Variants in DCAF8L2 observed in about 807,000 individuals in gnomAD.
DCAF8L2 encodes the protein DDB1- and CUL4-associated factor 8-like protein 2.
For missense variants in DCAF8L2, 430 were observed against 490.7 expected (o/e 0.88, Z 1.17); for synonymous variants, 200 against 190.9 (o/e 1.05, Z -0.39).
At chrX:27,655,298 G>A (rs1003524770) in intron 2 of DCAF8L2, among the ~76,000 whole-genome samples, 35 of 112,092 alleles carry the variant, frequency 3.1e-4, no homozygotes, top group African/African-American at 1.1e-3. Flanking sequence ...CTTTGGGCTG[G>A]AATAAGACAA....
chrX:27,559,586 G>T, the DCAF8L2 span, among the ~76,000 whole-genome samples: 1 of 111,769 alleles, frequency 8.9e-6, no homozygotes, highest in Non-Finnish European at 1.9e-5. Flanking sequence ...TGATCTGTGG[G>T]TGTCCATGCT....
intron 2 of DCAF8L2, among the ~76,000 whole-genome samples, chrX:27,676,174 G>T (rs907687109): frequency 9.0e-6 from 1 of 111,172 alleles, no homozygotes; most frequent in Non-Finnish European, 1.9e-5. Context: ...TGAGTACTCT[G>T]TATCTCTTTG....
intron 3 of DCAF8L2, among the ~76,000 whole-genome samples, chrX:27,678,857 T>C (rs1291702162): frequency 8.9e-6 from 1 of 111,945 alleles, no homozygotes; most frequent in Non-Finnish European, 1.9e-5. Flanking sequence ...TATTTTTCCA[T>C]AATGAAAAAT....
chrX:27,518,949 T>C, the DCAF8L2 span: 18 of 588,685 alleles, frequency 3.1e-5, no homozygotes, highest in Admixed American at 2.8e-4. Flanking sequence ...AAAAGGCACC[T>C]GATTTTGTTT....
chrX:27,722,979 A>G (rs183747406), intron 4 of DCAF8L2, among the ~76,000 whole-genome samples: 35 of 111,156 alleles, frequency 3.1e-4, no homozygotes, highest in Non-Finnish European at 2.8e-4. Flanking sequence ...ATCTGCACAA[A>G]CAAAATCCAT....
At chrX:27,685,951 A>G (rs1930490938) in intron 3 of DCAF8L2, among the ~76,000 whole-genome samples, 1 of 112,286 alleles carries the variant, frequency 8.9e-6, no homozygotes. Flanking sequence ...TTTCAAAAGA[A>G]GACATATAAA....
the DCAF8L2 span, among the ~76,000 whole-genome samples, chrX:27,478,519 T>A: frequency 1.5e-4 from 17 of 112,257 alleles, no homozygotes; most frequent in African/African-American, 5.2e-4. Flanking sequence ...CATAAGCTAA[T>A]GAGTTGTAAA....
At chrX:27,613,677 C>G (rs1489085536) in intron 1 of DCAF8L2, among the ~76,000 whole-genome samples, 14 of 111,336 alleles carry the variant, frequency 1.3e-4, no homozygotes, top group Non-Finnish European at 2.5e-4. Flanking sequence ...GTTGAATTTT[C>G]TCAAAGGCCT....
intron 4 of DCAF8L2, among the ~76,000 whole-genome samples, chrX:27,745,621 G>A (rs1922122029): frequency 8.9e-6 from 1 of 111,906 alleles, no homozygotes; most frequent in Non-Finnish European, 1.9e-5. Flanking sequence ...ATTTTCTTTA[G>A]AAGACTGTAT....
At chrX:27,712,615 C>T (rs1238720016) in intron 3 of DCAF8L2, 2 of 111,709 alleles carry the variant, frequency 1.8e-5, no homozygotes, top group East Asian at 2.8e-4. Context: ...GAGTTTTAGC[C>T]GCTTCCATGC....
At chrX:27,685,902 A>G (rs1930489120) in intron 3 of DCAF8L2, among the ~76,000 whole-genome samples, 1 of 111,940 alleles carries the variant, frequency 8.9e-6, no homozygotes, top group Non-Finnish European at 1.9e-5. Flanking sequence ...ATATCAAATA[A>G]TAGGATTTCA....
intron 1 of DCAF8L2, among the ~76,000 whole-genome samples, chrX:27,599,151 TGTG>T (rs1277318225): frequency 9.1e-6 from 1 of 109,783 alleles, no homozygotes; most frequent in Non-Finnish European, 1.9e-5. Flanking sequence ...TAAAAAAAAA[TGTG>T]GTATATATAC....
the DCAF8L2 span, among the ~76,000 whole-genome samples, chrX:27,533,166 GAA>G: frequency 0.18 from 1,892 of 10,763 alleles, 126 homozygotes; most frequent in African/African-American, 0.28. Flanking sequence ...GAGAGAGAGA[GAA>G]AGAAAGAAAG....
chrX:27,503,529 C>G, the DCAF8L2 span, among the ~76,000 whole-genome samples: 1 of 110,234 alleles, frequency 9.1e-6, no homozygotes, highest in African/African-American at 3.3e-5. Flanking sequence ...TGTCATACAC[C>G]ATTTGTTGAA....
the DCAF8L2 span, among the ~76,000 whole-genome samples, chrX:27,562,822 A>G: frequency 8.9e-6 from 1 of 112,243 alleles, no homozygotes; most frequent in African/African-American, 3.2e-5. Flanking sequence ...AAGTGGAAAG[A>G]GCTGATAGCT....
chrX:27,517,393 G>T, the DCAF8L2 span, among the ~76,000 whole-genome samples: 1 of 109,850 alleles, frequency 9.1e-6, no homozygotes, highest in Non-Finnish European at 1.9e-5. Flanking sequence ...GAAGAGGCAA[G>T]GGAAATCCAT....
rs1283738367 is a variant in DCAF8L2, at chrX:27,717,679, T to C, written c.-59+1508T>C. Among the ~76,000 whole-genome samples, 15 of 112,519 alleles carry C rather than the reference T, an allele frequency of 1.3e-4. 1 individual carries two copies. The Admixed American group carries it at 1.4e-3, about 11-fold the overall frequency. On this transcript the variant is annotated intron_variant, in intron 4 of 4. Coordinates refer to ENST00000451261, the MANE Select transcript of DCAF8L2 (RefSeq NM_001353450.2). The stretch of plus-strand genomic sequence containing the variant: ...AAAGATTTTCTCCCACTCTGTAGGT[T>C]GCCTGTTCATTCTGATGATAGTTTC...
the DCAF8L2 span, among the ~76,000 whole-genome samples, chrX:27,490,218 C>G: frequency 8.9e-6 from 1 of 112,013 alleles, no homozygotes; most frequent in Non-Finnish European, 1.9e-5. Flanking sequence ...TATCTTTGTG[C>G]TTTTATGAAA....
At chrX:27,502,181 C>T in the DCAF8L2 span, among the ~76,000 whole-genome samples, 1 of 102,581 alleles carries the variant, frequency 9.7e-6, no homozygotes, top group Non-Finnish European at 2.0e-5. Flanking sequence ...ATTAGCCTGG[C>T]GTGGTGGCAG....
Sources: allele counts gnomAD v4.1 joint callset (sites outside exome capture counted in the v4.1 genomes callset), GRCh38; gene constraint gnomAD v4.1.1; transcripts MANE v1.5; gene names NCBI Gene and HGNC (gene_info 2026-07-23, HGNC 2026-07-21).